The following RASEF variants were observed in gnomAD, a reference collection of about 807,000 sequenced individuals.
RASEF encodes RAS and EF-hand domain containing, also known as ras and EF-hand domain-containing protein.
In RASEF, 68 loss-of-function variants were observed where a neutral mutation model predicts 90.1. The observed-to-expected ratio is 0.75, with a 90% CI of 0.62 to 0.92. RASEF has a LOEUF of 0.92. RASEF is among the 40% of genes least tolerant of loss of function. The pLI, the probability that RASEF is intolerant of heterozygous loss-of-function variation, is 0.00. For missense variants in RASEF, 949 were observed against 937.2 expected (o/e 1.01, Z -0.16); for synonymous variants, 331 against 345.2 (o/e 0.96, Z 0.46).
chr9:83,131,492 A>C, the RASEF span, among the ~76,000 whole-genome samples: 74 of 152,322 alleles, frequency 4.9e-4, no homozygotes, highest in South Asian at 1.2e-3. Flanking sequence ...ATCACACTGA[A>C]ACATAATCTC....
the RASEF span, among the ~76,000 whole-genome samples, chr9:83,192,520 A>C: frequency 2.0e-5 from 3 of 152,232 alleles, no homozygotes; most frequent in East Asian, 5.8e-4. Flanking sequence ...GCATGTGGAC[A>C]CAGAAAGGTG....
chr9:83,142,350 A>G, the RASEF span, among the ~76,000 whole-genome samples: 1 of 152,252 alleles, frequency 6.6e-6, no homozygotes. Context: ...TTGTCAAAGC[A>G]ATAGAAATAT....
the RASEF span, among the ~76,000 whole-genome samples, chr9:83,103,967 C>A: frequency 6.6e-6 from 1 of 152,160 alleles, no homozygotes; most frequent in African/African-American, 2.4e-5. Context: ...AGGCCCTTCA[C>A]TCCCAAGAGA....
intron 1 of RASEF, among the ~76,000 whole-genome samples, chr9:83,026,621 A>C (rs1214022028): frequency 6.6e-6 from 1 of 152,176 alleles, no homozygotes; most frequent in Non-Finnish European, 1.5e-5. Flanking sequence ...CTCCCTAGAC[A>C]CATGGGGATT....
chr9:83,164,156 G>C, the RASEF span, among the ~76,000 whole-genome samples: 1 of 151,294 alleles, frequency 6.6e-6, no homozygotes, highest in African/African-American at 2.4e-5. Flanking sequence ...ACGTAGAATA[G>C]AGAGAAGGAA....
the RASEF span, among the ~76,000 whole-genome samples, chr9:83,115,003 C>T: frequency 9.8e-5 from 15 of 152,298 alleles, no homozygotes; most frequent in Middle Eastern, 6.8e-3. Context: ...GGTTTTACGG[C>T]TTGGGGGACA....
chr9:83,069,704 A>G, the RASEF span, among the ~76,000 whole-genome samples: 4 of 152,208 alleles, frequency 2.6e-5, no homozygotes, highest in Non-Finnish European at 4.4e-5. Context: ...TTGCTGGGTC[A>G]TATGGTAGGT....
In RASEF at chr9:83,059,158, C is replaced by G. The variant is rs1587530014; in HGVS notation, c.431+3279G>C. Reference sequence around the variant, plus strand: ...AGCATGAATCAATTCACAGATAACACTCAAAATTGCTGCAAATGGGAGTTG... The same window carrying G: ...AGCATGAATCAATTCACAGATAACAGTCAAAATTGCTGCAAATGGGAGTTG... On this transcript the variant is annotated intron_variant, in intron 1 of 16. Coordinates refer to ENST00000376447, the MANE Select transcript of RASEF (RefSeq NM_152573.4). 5.3e-5 allele frequency among the ~76,000 whole-genome samples: 8 copies of G among 151,996 alleles called. 1 individual carries two copies. In the East Asian group the frequency reaches 1.5e-3, roughly 29 times the overall value.
the RASEF span, among the ~76,000 whole-genome samples, chr9:83,072,333 G>A: frequency 3.3e-5 from 5 of 152,074 alleles, no homozygotes; most frequent in African/African-American, 9.7e-5. Flanking sequence ...CTTCCTGCAC[G>A]CTGTTTCCTC....
In RASEF at chr9:83,062,454, T is replaced by C. The variant is rs766500257; in HGVS notation, c.414A>G (p.Glu138=). 6.2e-7 allele frequency: 1 copy of C among 1,613,048 alleles called. No individual in the cohort carries two copies. Among genetic ancestry groups the C allele is most frequent in the South Asian group, 1.1e-5 (1 of 91,014 alleles). Residue 138 remains glutamate (E), a synonymous_variant, in exon 1 of 17, where the codon GAA becomes GAG. Coordinates refer to ENST00000376447, the MANE Select transcript of RASEF (RefSeq NM_152573.4). ...WQDFQARLGD[E]AKFIPREEQV... ...ACTCGCACCTGGGAATGAACTTGGC[T>C]TCGTCCCCAAGTCGCGCCTGGAAAT... is the stretch of plus-strand genomic sequence containing the variant.
chr9:83,151,103 G>T, the RASEF span, among the ~76,000 whole-genome samples: 12 of 134,114 alleles, frequency 8.9e-5, no homozygotes, highest in South Asian at 2.4e-3. Flanking sequence ...ATCAAAAGTT[G>T]TTTTTTTTTT....
chr9:83,054,630 A>G (rs1830070162), intron 1 of RASEF: 1 of 149,776 alleles, frequency 6.7e-6, no homozygotes, highest in African/African-American at 2.5e-5. Context: ...TCTGCTTTTT[A>G]GAGTTTCCAG....
chr9:83,199,426 G>C, the RASEF span, among the ~76,000 whole-genome samples: 3 of 152,168 alleles, frequency 2.0e-5, no homozygotes, highest in South Asian at 4.1e-4. Context: ...CGGCCAGCCT[G>C]CATGTTGAGA....
chr9:83,026,119 G>A (rs1008026595), intron 1 of RASEF, among the ~76,000 whole-genome samples, 198 bp from the exon 2 acceptor site: 1 of 152,148 alleles, frequency 6.6e-6, no homozygotes, highest in African/African-American at 2.4e-5. Context: ...TGGGGCCTGC[G>A]AGGACAGTGA....
intron 1 of RASEF, among the ~76,000 whole-genome samples, chr9:83,061,547 T>C (rs1344131217): frequency 6.6e-6 from 1 of 151,820 alleles, no homozygotes; most frequent in Non-Finnish European, 1.5e-5. Context: ...AAGTGAAAAA[T>C]AGCAGCTGGA....
At chr9:83,055,776 G>C in intron 1 of RASEF, 1 of 651,700 alleles carries the variant, frequency 1.5e-6, no homozygotes. Context: ...ATGAAAATAA[G>C]AATATTTGGT....
intron 3 of RASEF, among the ~76,000 whole-genome samples, chr9:83,016,895 C>G (rs1320563338): frequency 2.6e-5 from 4 of 152,114 alleles, no homozygotes; most frequent in African/African-American, 9.7e-5. Flanking sequence ...TTCTTTTTAA[C>G]TACTGTGAGG....
At chr9:83,087,092 G>C in the RASEF span, among the ~76,000 whole-genome samples, 4 of 152,154 alleles carry the variant, frequency 2.6e-5, no homozygotes, top group Non-Finnish European at 5.9e-5. Flanking sequence ...CTTGGGACTT[G>C]AATACCCAAT....
the RASEF span, among the ~76,000 whole-genome samples, chr9:83,113,492 C>A: frequency 6.6e-6 from 1 of 152,108 alleles, no homozygotes; most frequent in African/African-American, 2.4e-5. Context: ...TGACTGTCTG[C>A]GGGGTCTGGC....
Sources: gnomAD v4.1 joint callset for allele counts (sites outside exome capture counted in the v4.1 genomes callset) on GRCh38, gnomAD v4.1.1 for gene constraint, MANE v1.5 for transcripts, NCBI Gene and HGNC (gene_info 2026-07-23, HGNC 2026-07-21) for gene names.